The following SLC13A1 variants were observed in gnomAD, a reference collection of about 807,000 sequenced individuals.
SLC13A1 encodes the protein Na(+)/sulfate cotransporter.
Under a neutral mutation model 70.0 loss-of-function variants are expected in SLC13A1, and 65 were observed. The ratio of observed to expected loss-of-function variants is 0.93; its 90% CI spans 0.76 to 1.14. The LOEUF (loss-of-function observed/expected upper bound fraction) is 1.14, where lower values mean the gene tolerates loss of function less well. Among genes scored for constraint, SLC13A1 ranks in the 50% most tolerant of loss-of-function variants. The pLI is 0.00. For synonymous variants in SLC13A1, 275 were observed against 250.5 expected, an observed-to-expected ratio of 1.10 and a Z score of -0.92; for missense variants, 726 against 717.8, an observed-to-expected ratio of 1.01 and a Z score of -0.13.
At chr7:123,136,624 T>C (rs1342112082) in intron 7 of SLC13A1, among the ~76,000 whole-genome samples, 2 of 152,180 alleles carry the variant, frequency 1.3e-5, no homozygotes, top group Non-Finnish European at 2.9e-5. Context: ...AAGTGCCAGG[T>C]GCTCTCCAAG....
chr7:123,148,992 A>C (rs934591484), intron 6 of SLC13A1, among the ~76,000 whole-genome samples: 3 of 152,122 alleles, frequency 2.0e-5, no homozygotes, highest in African/African-American at 7.2e-5. Flanking sequence ...AAATGACTCC[A>C]TCTGGTGGGC....
intron 14 of SLC13A1, among the ~76,000 whole-genome samples, 199 bp from the exon 15 acceptor site, chr7:123,115,854 T>C (rs1046821060): frequency 2.0e-5 from 3 of 152,228 alleles, no homozygotes; most frequent in Non-Finnish European, 4.4e-5. Flanking sequence ...ACATGGGTCA[T>C]GTTGGTGTGC....
chr7:123,180,421 G>A (rs1167002849), intron 2 of SLC13A1, among the ~76,000 whole-genome samples: 1 of 152,048 alleles, frequency 6.6e-6, no homozygotes, highest in Non-Finnish European at 1.5e-5. Context: ...GTTTCAATGC[G>A]TTTGGGAAAC....
chr7:123,178,189 T>C (rs1300004012), intron 2 of SLC13A1, among the ~76,000 whole-genome samples: 1 of 152,032 alleles, frequency 6.6e-6, no homozygotes, highest in Non-Finnish European at 1.5e-5. Context: ...GTTCAACAAA[T>C]ATGAGAAAAG....
intron 1 of SLC13A1, among the ~76,000 whole-genome samples, chr7:123,181,411 T>C (rs192616475): frequency 1.6e-3 from 239 of 152,278 alleles, no homozygotes; most frequent in African/African-American, 5.2e-3. Context: ...TCTACTCACT[T>C]TCCTTTGGCC....
chr7:123,156,995 G>T (rs1362473917), intron 6 of SLC13A1, among the ~76,000 whole-genome samples: 2 of 152,020 alleles, frequency 1.3e-5, no homozygotes, highest in Non-Finnish European at 1.5e-5. Context: ...AAATCCCTTG[G>T]CTAAGCTCGC....
chr7:123,128,986 A>C, intron 9 of SLC13A1, 40 bp from the exon 10 acceptor site: 28 of 1,360,592 alleles, frequency 2.1e-5, no homozygotes, highest in Non-Finnish European at 2.7e-5. Context: ...TTATTTTCTC[A>C]GTCGGGACAT....
intron 11 of SLC13A1, 141 bp downstream of exon 11, chr7:123,125,428 A>G: frequency 1.6e-6 from 1 of 618,206 alleles, no homozygotes; most frequent in Non-Finnish European, 2.9e-6. Context: ...ACAGCATTGC[A>G]GTTTGCAAAT....
Position 123,171,898 on chromosome 7 carries a change from A to T in SLC13A1, c.235T>A (p.Ser79Thr). The T allele has an allele frequency of 6.2e-7, 1 of 1,612,536 alleles. No individual in the cohort carries two copies. The highest frequency in any genetic ancestry group is 8.5e-7 in the Non-Finnish European group (1 of 1,179,330). Residue 79 changes from serine to threonine, a missense_variant, in exon 3 of 15, where the codon TCT becomes ACT. By Grantham distance (58) the Ser-to-Thr change is moderately conservative (BLOSUM62 1). Coordinates refer to ENST00000194130, the MANE Select transcript of SLC13A1 (RefSeq NM_022444.4). Reference sequence around the variant, plus strand: ...AAGTGAAAATCCTTGAAATAAGCAGATGCCACCTGAAATAACAATTAAACC... The same window carrying T: ...AAGTGAAAATCCTTGAAATAAGCAGTTGCCACCTGAAATAACAATTAAACC... Reference protein sequence around the residue: ...FGIMPSKKVASAYFKDFHLLL... With the variant: ...FGIMPSKKVATAYFKDFHLLL...
At chr7:123,145,824 G>A (rs747977497) in intron 7 of SLC13A1, among the ~76,000 whole-genome samples, 2 of 152,134 alleles carry the variant, frequency 1.3e-5, no homozygotes, top group Non-Finnish European at 2.9e-5. Flanking sequence ...TTCTAGAATG[G>A]AGATTGACAT....
intron 8 of SLC13A1, 96 bp from the exon 9 acceptor site, chr7:123,129,577 A>T (rs1482702067): frequency 3.6e-6 from 3 of 830,340 alleles, no homozygotes; most frequent in African/African-American, 3.4e-5. Context: ...TCTTCACGCA[A>T]TATGAATCTC....
intron 10 of SLC13A1, among the ~76,000 whole-genome samples, chr7:123,126,927 T>C (rs1366262303): frequency 6.6e-6 from 1 of 152,088 alleles, no homozygotes; most frequent in Admixed American, 6.6e-5. Flanking sequence ...GTGGTAGCTA[T>C]AAATCTTGAT....
chr7:123,136,451 T>C (rs548166605), intron 7 of SLC13A1, among the ~76,000 whole-genome samples: 1 of 152,298 alleles, frequency 6.6e-6, no homozygotes, highest in Admixed American at 6.5e-5. Context: ...GCATTTTCTT[T>C]TGCTGTGATG....
At chr7:123,124,993 G>T (rs1358847484) in intron 11 of SLC13A1, among the ~76,000 whole-genome samples, 1 of 151,772 alleles carries the variant, frequency 6.6e-6, no homozygotes, top group Non-Finnish European at 1.5e-5. Flanking sequence ...TGCTGCCAAG[G>T]CTTGTTTCAA....
intron 8 of SLC13A1, among the ~76,000 whole-genome samples, chr7:123,133,091 T>C (rs560705850): frequency 6.6e-6 from 1 of 152,306 alleles, no homozygotes; most frequent in South Asian, 2.1e-4. Context: ...CCAGATGTGT[T>C]AGAATTATAG....
intron 1 of SLC13A1, among the ~76,000 whole-genome samples, chr7:123,199,438 C>T (rs1167529808): frequency 6.6e-6 from 1 of 152,018 alleles, no homozygotes; most frequent in Non-Finnish European, 1.5e-5. Flanking sequence ...TGTGCTGGAC[C>T]TAGGATTTCC....
At chr7:123,144,245 G>T (rs1794267361) in intron 7 of SLC13A1, among the ~76,000 whole-genome samples, 1 of 152,064 alleles carries the variant, frequency 6.6e-6, no homozygotes, top group Non-Finnish European at 1.5e-5. Context: ...CAGGGATAGA[G>T]ATAAAAAATT....
intron 1 of SLC13A1, among the ~76,000 whole-genome samples, chr7:123,198,719 T>C (rs575081018): frequency 8.5e-5 from 13 of 152,158 alleles, no homozygotes; most frequent in Middle Eastern, 3.4e-3. Context: ...GACCACCATA[T>C]TATAGTTAAT....
intron 1 of SLC13A1, among the ~76,000 whole-genome samples, chr7:123,197,618 T>A (rs1796227536): frequency 6.6e-6 from 1 of 152,122 alleles, no homozygotes; most frequent in African/African-American, 2.4e-5. Flanking sequence ...AATAATATCA[T>A]GTTATTATAC....
Sources: allele counts gnomAD v4.1 joint callset (sites outside exome capture counted in the v4.1 genomes callset), GRCh38; gene constraint gnomAD v4.1.1; transcripts MANE v1.5; gene names NCBI Gene and HGNC (gene_info 2026-07-23, HGNC 2026-07-21).